The following CFAP54 variants were observed in gnomAD, a reference collection of about 807,000 sequenced individuals.
CFAP54 encodes the protein cilia and flagella associated protein 54, also known as cilia- and flagella-associated protein 54.
In CFAP54, 290 loss-of-function variants were observed where a neutral mutation model predicts 370.4. The ratio of observed to expected loss-of-function variants is 0.78; its 90% CI spans 0.71 to 0.86. The LOEUF (loss-of-function observed/expected upper bound fraction) is 0.86, where lower values mean the gene tolerates loss of function less well. Ranked by LOEUF, CFAP54 falls within the 40% of genes least tolerant of loss-of-function variation. CFAP54 has a pLI of 0.00. For synonymous variants in CFAP54, 1,206 were observed against 1,236.5 expected, an observed-to-expected ratio of 0.98 and a Z score of 0.52; for missense variants, 3,399 against 3,528.7, an observed-to-expected ratio of 0.96 and a Z score of 0.93.
intron 55 of CFAP54, among the ~76,000 whole-genome samples, chr12:96,751,271 G>A (rs1346326424): frequency 6.6e-6 from 1 of 152,064 alleles, no homozygotes; most frequent in Non-Finnish European, 1.5e-5. Context: ...GCTGGGAAGT[G>A]GGGACATACT....
chr12:96,803,424 A>G (rs74375335), intron 63 of CFAP54, among the ~76,000 whole-genome samples: 4,093 of 152,164 alleles, frequency 0.027, 194 homozygotes, highest in African/African-American at 0.092. Flanking sequence ...CTAGAAGCCC[A>G]TGAATCAGCC....
chr12:96,760,610 G>T (rs1301038331), intron 58 of CFAP54, among the ~76,000 whole-genome samples: 2 of 152,190 alleles, frequency 1.3e-5, no homozygotes. Context: ...TAGGCTCACT[G>T]CAACCTCCGC....
At chr12:96,759,709 C>A (rs976535094) in intron 58 of CFAP54, among the ~76,000 whole-genome samples, 2 of 152,120 alleles carry the variant, frequency 1.3e-5, no homozygotes, top group African/African-American at 4.8e-5. Context: ...GGGTTTGAAT[C>A]CTAGCTTCAC....
chr12:96,561,189 G>T (rs1291687264), intron 17 of CFAP54, among the ~76,000 whole-genome samples: 1 of 152,158 alleles, frequency 6.6e-6, no homozygotes, highest in Non-Finnish European at 1.5e-5. Flanking sequence ...TGTTGTGGGA[G>T]CAACCCGGTT....
intron 65 of CFAP54, among the ~76,000 whole-genome samples, chr12:96,828,290 A>G (rs112816389): frequency 0.01 from 1,590 of 151,542 alleles, 26 homozygotes; most frequent in African/African-American, 0.036. Context: ...TCATGCATAG[A>G]CAAAGACTGG....
Position 96,589,471 on chromosome 12 carries a change from C to A in CFAP54, c.3120C>A (p.Phe1040Leu), listed in dbSNP as rs1956105233. Reference sequence around the variant, plus strand: ...ACTATGAATTGGCTAAGAAAGTTTTCTCACCAGTTTGGGATTATTTTGTTG... The same window carrying A: ...ACTATGAATTGGCTAAGAAAGTTTTATCACCAGTTTGGGATTATTTTGTTG... ...VGNYELAKKVFSPVWDYFVAS... is the reference protein window; with the variant it reads ...VGNYELAKKVLSPVWDYFVAS... Residue 1040 changes from phenylalanine to leucine, a missense_variant, in exon 23 of 68, where the codon TTC becomes TTA. Around this residue, in one of 3 missense-constraint regions of CFAP54, gnomAD observed 2,796 missense variants for 2,869.7 expected, o/e 0.97. Coordinates refer to ENST00000524981, the MANE Select transcript of CFAP54 (RefSeq NM_001306084.2). 6.5e-7 allele frequency: 1 copy of A among 1,532,028 alleles called. No homozygotes were observed. Among genetic ancestry groups the A allele is most frequent in the South Asian group, 1.2e-5 (1 of 83,904 alleles). The allele number at this position is 1,532,028 out of a possible 1,614,324, so 94.9% of individuals were successfully genotyped here. A position where few individuals can be genotyped will look rare whatever the true frequency, so the allele number is the denominator to read the frequency against.
chr12:96,599,323 G>A (rs920683589), intron 26 of CFAP54, among the ~76,000 whole-genome samples: 3 of 151,998 alleles, frequency 2.0e-5, no homozygotes, highest in African/African-American at 7.2e-5. Flanking sequence ...CCATGTCCCT[G>A]CAAAGGACAT....
intron 1 of CFAP54, among the ~76,000 whole-genome samples, chr12:96,498,621 C>T (rs1319642529): frequency 6.6e-6 from 1 of 152,186 alleles, no homozygotes; most frequent in Non-Finnish European, 1.5e-5. Flanking sequence ...CCACTGCACT[C>T]AAGCCTGGTG....
intron 3 of CFAP54, 43 bp downstream of exon 3, chr12:96,504,072 G>A: frequency 1.4e-6 from 2 of 1,454,666 alleles, no homozygotes; most frequent in African/African-American, 1.4e-5. Context: ...TTTATGATTA[G>A]CTATACAATG....
chr12:96,579,825 T>G (rs1019257253), intron 20 of CFAP54, among the ~76,000 whole-genome samples: 5 of 152,126 alleles, frequency 3.3e-5, no homozygotes, highest in African/African-American at 1.2e-4. Flanking sequence ...GGTTAAATTT[T>G]GTTGTTTCTG....
Position 96,829,055 on chromosome 12 carries a change from T to C in CFAP54, c.9138T>C (p.Phe3046=), listed in dbSNP as rs1266985137. 1 of 1,522,044 alleles carries C rather than the reference T, an allele frequency of 6.6e-7. No individual in the cohort carries two copies. Among genetic ancestry groups the C allele is most frequent in the Non-Finnish European group, 8.8e-7 (1 of 1,135,646 alleles). The allele number at this position is 1,522,044 out of a possible 1,614,324, so 94.3% of individuals were successfully genotyped here. ...IQCCSEIASL[F]LNDKEPTPLS... ...GTTGCTCTGAAATAGCATCTCTGTT[T>C]TTGAATGATAAAGAGCCAACACCAC... Residue 3046 remains phenylalanine (F), a synonymous_variant, in exon 66 of 68, where the codon TTT becomes TTC. Coordinates refer to ENST00000524981, the MANE Select transcript of CFAP54 (RefSeq NM_001306084.2).
At chr12:96,540,801 T>C (rs1414197596) in intron 13 of CFAP54, 36 bp from the exon 14 acceptor site, 1 of 1,327,960 alleles carries the variant, frequency 7.5e-7, no homozygotes, top group African/African-American at 1.5e-5. Flanking sequence ...TTTCATATAC[T>C]TTTAATTAAT....
chr12:96,592,196 A>G (rs186602889), intron 23 of CFAP54, among the ~76,000 whole-genome samples: 36 of 152,304 alleles, frequency 2.4e-4, no homozygotes, highest in Non-Finnish European at 1.5e-5. Flanking sequence ...AAAATTGGAC[A>G]GTGACATCTA....
At position 96,735,712 on chromosome 12, in the gene CFAP54, T is replaced by C. The variant is rs186066772; in HGVS notation, c.6966-4244T>C. ...GTGGGAGAGATAGGGTAATTAAAAA[T>C]TATGAAATTCTTCATCCTATATGTA... On this transcript the variant is annotated intron_variant, in intron 50 of 67. Coordinates refer to ENST00000524981, the MANE Select transcript of CFAP54 (RefSeq NM_001306084.2). Among the ~76,000 whole-genome samples, 249 of 152,348 alleles carry C rather than the reference T, an allele frequency of 1.6e-3. 1 individual carries two copies. The highest frequency in any genetic ancestry group is 5.7e-3 in the African/African-American group (238 of 41,586).
rs1270062109 is a variant in CFAP54 at position 96,489,625 on chromosome 12, T to TC, written c.21dup (p.Ser8LeufsTer69). On this transcript the variant is annotated frameshift_variant, in exon 1 of 68. Coordinates refer to ENST00000524981, the MANE Select transcript of CFAP54 (RefSeq NM_001306084.2). LOFTEE classifies it high-confidence loss of function. Reference sequence around the variant, plus strand: ...GCGCGTCAATATGGCGGCGCAGGGCTCCCCCTCGAGCTCTCCGTCAGACGA... The same window carrying TC: ...GCGCGTCAATATGGCGGCGCAGGGCTCCCCCCTCGAGCTCTCCGTCAGACGA... 1 of 1,519,882 alleles carries TC rather than the reference T, an allele frequency of 6.6e-7. No individual in the cohort carries two copies. Among genetic ancestry groups the TC allele is most frequent in the Non-Finnish European group, 8.8e-7 (1 of 1,135,410 alleles). 94.1% of individuals were successfully genotyped at this position (1,519,882 alleles called of 1,614,324 possible). A position where few individuals can be genotyped will look rare whatever the true frequency, so the allele number is the denominator to read the frequency against.
chr12:96,796,279 A>G (rs1187392368), intron 63 of CFAP54, among the ~76,000 whole-genome samples: 1 of 152,196 alleles, frequency 6.6e-6, no homozygotes, highest in Non-Finnish European at 1.5e-5. Flanking sequence ...AGTTCGGCCT[A>G]TCTCCTATAT....
intron 50 of CFAP54, among the ~76,000 whole-genome samples, chr12:96,737,862 T>G (rs562622045): frequency 6.6e-6 from 1 of 152,294 alleles, no homozygotes; most frequent in South Asian, 2.1e-4. Flanking sequence ...AGCCTTCTTA[T>G]AGGATCCATG....
rs540235994 is a variant in CFAP54, at chr12:96,856,027, C to A, written c.9172-4792C>A. ...AACCTCAATTCTTTAGTTCTGTGCA[C>A]CCACAGGCTCAACACCATGTGGAAA... On this transcript the variant is annotated intron_variant, in intron 66 of 67. Coordinates refer to ENST00000524981, the MANE Select transcript of CFAP54 (RefSeq NM_001306084.2). 4.6e-4 allele frequency among the ~76,000 whole-genome samples: 70 copies of A among 152,328 alleles called. 1 individual carries two copies. The highest frequency in any genetic ancestry group is 2.0e-3 in the Admixed American group (31 of 15,300).
chr12:96,542,370 C>T (rs371070480), intron 14 of CFAP54, among the ~76,000 whole-genome samples: 6 of 152,298 alleles, frequency 3.9e-5, no homozygotes, highest in East Asian at 3.9e-4. Context: ...CAAAGTTTGA[C>T]AACCATCAGC....
Sources: allele counts gnomAD v4.1 joint callset (sites outside exome capture counted in the v4.1 genomes callset), GRCh38; gene constraint gnomAD v4.1.1; regional missense constraint gnomAD v4.1.1; transcripts MANE v1.5; gene names NCBI Gene and HGNC (gene_info 2026-07-23, HGNC 2026-07-21).